MGAT5: variants seen among roughly 807,000 people sequenced by gnomAD.
MGAT5 encodes the protein alpha-1,6-mannosylglycoprotein 6-beta-N-acetylglucosaminyltransferase A.
Under a neutral mutation model 94.3 loss-of-function variants are expected in MGAT5, and 30 were observed. That is an observed-to-expected ratio of 0.32 (90% confidence interval 0.24 to 0.43). MGAT5 has a LOEUF of 0.43. Among genes scored for constraint, MGAT5 ranks in the 20% least tolerant of loss-of-function variants. The pLI is 1.00. For synonymous variants in MGAT5, 310 were observed against 322.9 expected, an observed-to-expected ratio of 0.96 and a Z score of 0.43; for missense variants, 691 against 905.5, an observed-to-expected ratio of 0.76 and a Z score of 3.04.
At chr2:134,412,785 C>T (rs1028510405) in intron 11 of MGAT5, 84 bp from the exon 12 acceptor site, 7 of 1,543,280 alleles carry the variant, frequency 4.5e-6, no homozygotes, top group South Asian at 3.6e-5. Context: ...GCCACAGAAT[C>T]GCCGCCTGCA....
In MGAT5 at chr2:134,142,337, T is replaced by C. The variant is rs143033471; in HGVS notation, c.-143+22046T>C. 3.3e-4 allele frequency among the ~76,000 whole-genome samples: 51 copies of C among 152,338 alleles called. No homozygotes were observed. The East Asian group carries it at 7.5e-3, about 22-fold the overall frequency. On this transcript the variant is annotated intron_variant, in intron 1 of 16. Transcript: ENST00000409645. ...TTGGAAAATTTCTGCATTTACAGGC[T>C]GAGCCAAAGAGAACCAATGGCCAGA...
At chr2:134,380,554 T>C (rs1295564569) in intron 10 of MGAT5, among the ~76,000 whole-genome samples, 1 of 152,232 alleles carries the variant, frequency 6.6e-6, no homozygotes, top group African/African-American at 2.4e-5. Context: ...CACTTGTCTC[T>C]GTGAGCTTCC....
rs1463319048 is a variant in MGAT5, at chr2:134,449,610, C to G, written c.*763C>G. 5 of 152,280 alleles carry G rather than the reference C, an allele frequency of 3.3e-5. No homozygotes were observed. The highest frequency in any genetic ancestry group is 9.7e-5 in the African/African-American group (4 of 41,434). The allele number at this position is 152,280 out of a possible 1,614,324, so 9.4% of individuals were successfully genotyped here. ...AGATGAGGCCCCTTTCCTCCATGTCCCCATGCCCAGACACATACCTTGGCC... is the reference window on the plus strand; with the variant it reads ...AGATGAGGCCCCTTTCCTCCATGTCGCCATGCCCAGACACATACCTTGGCC... On this transcript the variant is annotated 3_prime_UTR_variant, in exon 16 of 16. Transcript: ENST00000281923.
chr2:134,259,317 C>T lies in MGAT5; in HGVS notation c.241+4673C>T, dbSNP rs116975981. 5.9e-5 allele frequency among the ~76,000 whole-genome samples: 9 copies of T among 152,342 alleles called. No individual in the cohort carries two copies. The East Asian group carries it at 1.7e-3, about 29-fold the overall frequency. ...GAATTGTGTCATGGATGGTGCCACTCACCCGAGTCAATGCTATTCTTGTTT... is the reference window on the plus strand; with the variant it reads ...GAATTGTGTCATGGATGGTGCCACTTACCCGAGTCAATGCTATTCTTGTTT... On this transcript the variant is annotated intron_variant, in intron 1 of 15. Transcript: ENST00000281923.
intron 1 of MGAT5, among the ~76,000 whole-genome samples, chr2:134,132,004 G>A (rs183075055): frequency 6.1e-4 from 93 of 152,332 alleles, no homozygotes; most frequent in Non-Finnish European, 1.2e-3. Context: ...ATCACCCACT[G>A]GCTGACCTGT....
At chr2:134,235,143 C>G (rs1377218054) in intron 1 of MGAT5, among the ~76,000 whole-genome samples, 1 of 152,084 alleles carries the variant, frequency 6.6e-6, no homozygotes, top group Non-Finnish European at 1.5e-5. Context: ...GAAGTGGCTG[C>G]CCTATCAGAG....
At chr2:134,344,211 G>A (rs569764373) in intron 7 of MGAT5, among the ~76,000 whole-genome samples, 47 of 152,284 alleles carry the variant, frequency 3.1e-4, no homozygotes, top group Admixed American at 1.6e-3. Context: ...CAAGTACATC[G>A]TCACGCTCTG....
At chr2:134,216,069 A>G (rs1680480686) in intron 1 of MGAT5, among the ~76,000 whole-genome samples, 1 of 152,192 alleles carries the variant, frequency 6.6e-6, no homozygotes, top group Non-Finnish European at 1.5e-5. Flanking sequence ...GATGTGTTCC[A>G]TTAGATTCCA....
At chr2:134,244,155 A>G (rs1682111931) in intron 1 of MGAT5, among the ~76,000 whole-genome samples, 1 of 152,188 alleles carries the variant, frequency 6.6e-6, no homozygotes, top group African/African-American at 2.4e-5. Flanking sequence ...TTCATTCAAC[A>G]TTAAGGAGAC....
intron 1 of MGAT5, among the ~76,000 whole-genome samples, chr2:134,131,917 T>C (rs1686196339): frequency 6.6e-6 from 1 of 152,238 alleles, no homozygotes; most frequent in South Asian, 2.1e-4. Flanking sequence ...GATTTCATCA[T>C]AGACCAGCCA....
Position 134,307,329 on chromosome 2 carries a change from T to C in MGAT5, c.407-10200T>C, listed in dbSNP as rs1024560293. Among the ~76,000 whole-genome samples, 3 of 152,284 alleles carry C rather than the reference T, an allele frequency of 2.0e-5. No individual in the cohort carries two copies. The East Asian group carries it at 5.8e-4, about 29-fold the overall frequency. On this transcript the variant is annotated intron_variant, in intron 2 of 15. Coordinates refer to ENST00000281923, the MANE Select transcript of MGAT5 (RefSeq NM_002410.5). ...CATTTACAATGTTAGATATAAACTC[T>C]ATTCAACTGTAAAGATTTTATACAG...
At chr2:134,129,365 G>A (rs746716823) in intron 1 of MGAT5, among the ~76,000 whole-genome samples, 14 of 152,262 alleles carry the variant, frequency 9.2e-5, no homozygotes, top group African/African-American at 3.1e-4. Flanking sequence ...TTAATGCAGC[G>A]TAATCTCCCA....
chr2:134,147,482 A>G (rs1022543626), intron 1 of MGAT5, among the ~76,000 whole-genome samples: 41 of 152,176 alleles, frequency 2.7e-4, no homozygotes, highest in Non-Finnish European at 1.3e-4. Context: ...GAAGAAACAC[A>G]GATCTTTTCA....
chr2:134,154,018 GA>G (rs930029961), intron 1 of MGAT5, among the ~76,000 whole-genome samples: 1 of 151,066 alleles, frequency 6.6e-6, no homozygotes, highest in Non-Finnish European at 1.5e-5. Context: ...TTATCCTATG[GA>G]AAAAAAATAC....
chr2:134,338,635 C>G (rs945189621), intron 6 of MGAT5, among the ~76,000 whole-genome samples: 1 of 140,038 alleles, frequency 7.1e-6, no homozygotes, highest in Non-Finnish European at 1.6e-5. Context: ...TGGGTGAAGC[C>G]AAGCAGAATA....
At chr2:134,332,123 T>C (rs1489564335) in intron 4 of MGAT5, among the ~76,000 whole-genome samples, 1 of 152,098 alleles carries the variant, frequency 6.6e-6, no homozygotes, top group Non-Finnish European at 1.5e-5. Flanking sequence ...AGAGCCTGCA[T>C]CACCAAGTCA....
At chr2:134,239,273 CA>C (rs1211294087) in intron 1 of MGAT5, among the ~76,000 whole-genome samples, 3 of 152,202 alleles carry the variant, frequency 2.0e-5, no homozygotes, top group Non-Finnish European at 2.9e-5. Context: ...GCTGGGATTA[CA>C]GGCGTGAGCC....
chr2:134,206,191 C>T (rs1432160890), intron 1 of MGAT5, among the ~76,000 whole-genome samples: 1 of 152,136 alleles, frequency 6.6e-6, no homozygotes. Context: ...CTTTGAATTA[C>T]TATACAGTTT....
chr2:134,181,418 G>A (rs1688729420), intron 1 of MGAT5, among the ~76,000 whole-genome samples: 1 of 152,168 alleles, frequency 6.6e-6, no homozygotes, highest in African/African-American at 2.4e-5. Context: ...TGGTTGGGAG[G>A]TTTTTGTTGG....
Sources: allele counts gnomAD v4.1 joint callset (sites outside exome capture counted in the v4.1 genomes callset), GRCh38; gene constraint gnomAD v4.1.1; transcripts MANE v1.5; gene names NCBI Gene and HGNC (gene_info 2026-07-23, HGNC 2026-07-21).